WDR90: variants seen among roughly 807,000 people sequenced by gnomAD.
WDR90 encodes the protein WD repeat domain 90.
WDR90 carries 238 observed loss-of-function variants against 195.2 expected under a neutral mutation model. That is an observed-to-expected ratio of 1.22 (90% CI 1.10 to 1.36). The LOEUF is 1.36. Ranked by LOEUF, WDR90 falls within the 40% of genes most tolerant of loss-of-function variation. The pLI, the probability that WDR90 is intolerant of heterozygous loss-of-function variation, is 0.00. For missense variants in WDR90, 2,734 were observed against 2,439.5 expected, an observed-to-expected ratio of 1.12 and a Z score of -2.54; for synonymous variants, 1,265 against 1,052.4, an observed-to-expected ratio of 1.20 and a Z score of -3.91.
At chr16:656,896 C>T in intron 19 of WDR90, 25 bp downstream of exon 19, 2 of 1,606,430 alleles carry the variant, frequency 1.2e-6, no homozygotes, top group African/African-American at 1.3e-5. Flanking sequence ...GGCCACCAGC[C>T]CCACGGAGAC....
At position 657,234 on chromosome 16, in the gene WDR90, G is replaced by A. The variant is rs773284409; in HGVS notation, c.2473+13G>A. 1 of 1,536,350 alleles carries A rather than the reference G, an allele frequency of 6.5e-7. No individual in the cohort carries two copies. The highest frequency in any genetic ancestry group is 1.2e-5 in the South Asian group (1 of 82,720). On this transcript the variant is annotated intron_variant, in intron 20 of 40. Coordinates refer to ENST00000293879, the MANE Select transcript of WDR90 (RefSeq NM_145294.5). ...CTCCGAGTGGCAGGTTGGGCCCCCT[G>A]CAGCCACTCTGGGGGACTCCTCAGG...
In WDR90 at chr16:661,041, CTG is replaced by C. The variant is rs752299741; in HGVS notation, c.3392-9_3392-8del. 32 of 1,198,342 alleles carry C rather than the reference CTG, an allele frequency of 2.7e-5. 1 individual carries two copies. In the African/African-American group the frequency reaches 8.0e-4, roughly 30 times the overall value. The allele number at this position is 1,198,342 out of a possible 1,614,324, so 74.2% of individuals were successfully genotyped here. A position where few individuals can be genotyped will look rare whatever the true frequency, so the allele number is the denominator to read the frequency against. ...GGCCCGGCCTCAGGCCCCGCCCTCT[CTG>C]CGCACAGGCTTCTTTGCCTACACGT... On this transcript the variant is annotated splice_polypyrimidine_tract_variant and splice_region_variant and intron_variant, in intron 28 of 40. Transcript: ENST00000293879.
intron 25 of WDR90, 39 bp from the exon 26 acceptor site, chr16:659,206 T>A: frequency 6.2e-7 from 1 of 1,610,564 alleles, no homozygotes; most frequent in Non-Finnish European, 8.5e-7. Flanking sequence ...TGGCCCTTCC[T>A]CTTCCTTCCC....
chr16:664,700 T>C (rs1272766733), intron 34 of WDR90, among the ~76,000 whole-genome samples: 1 of 151,674 alleles, frequency 6.6e-6, no homozygotes, highest in Non-Finnish European at 1.5e-5. Context: ...TTTTTTTTTT[T>C]GAGACGGAGT....
intron 27 of WDR90, 173 bp from the exon 28 acceptor site, chr16:660,439 G>T (rs1000168162): frequency 3.3e-5 from 23 of 703,260 alleles, no homozygotes; most frequent in Admixed American, 3.3e-4. Context: ...GCCCCTCCTG[G>T]CCCTGGCACA....
Position 655,304 on chromosome 16 carries a change from C to A in WDR90, c.1557-3C>A. Reference sequence around the variant, plus strand: ...GGCAGTGCTCAGTCCTCATTCCTTGCAGGATGGCGTCGTGCGGGCAGGGCA... The same window carrying A: ...GGCAGTGCTCAGTCCTCATTCCTTGAAGGATGGCGTCGTGCGGGCAGGGCA... On this transcript the variant is annotated splice_polypyrimidine_tract_variant and splice_region_variant and intron_variant, in intron 14 of 40. Transcript: ENST00000293879. 2.5e-6 allele frequency: 4 copies of A among 1,607,106 alleles called. No individual in the cohort carries two copies. The highest frequency in any genetic ancestry group is 2.5e-6 in the Non-Finnish European group (3 of 1,179,720).
At position 657,223 on chromosome 16, in the gene WDR90, T is replaced by C. The variant is rs78538490; in HGVS notation, c.2473+2T>C. 1 of 1,539,228 alleles carries C rather than the reference T, an allele frequency of 6.5e-7. No homozygotes were observed. Among genetic ancestry groups the C allele is most frequent in the Non-Finnish European group, 8.8e-7 (1 of 1,141,146 alleles). ...AGTGGCATGTCCTCCGAGTGGCAGG[T>C]TGGGCCCCCTGCAGCCACTCTGGGG... On this transcript the variant is annotated splice_donor_variant, in intron 20 of 40. Coordinates refer to ENST00000293879, the MANE Select transcript of WDR90 (RefSeq NM_145294.5). LOFTEE classifies it high-confidence loss of function.
chr16:657,161 C>A lies in WDR90; in HGVS notation c.2413C>A (p.Gln805Lys). 1 of 1,563,472 alleles carries A rather than the reference C, an allele frequency of 6.4e-7. No individual in the cohort carries two copies. Among genetic ancestry groups the A allele is most frequent in the Admixed American group, 1.9e-5 (1 of 53,254 alleles). Residue 805 changes from glutamine to lysine, a missense_variant, in exon 20 of 41, where the codon CAG becomes AAG. By Grantham distance (53) the Gln-to-Lys change is moderately conservative. Coordinates refer to ENST00000293879, the MANE Select transcript of WDR90 (RefSeq NM_145294.5). ...DGRLLFSSCS[Q>K]GSLAQYSCAD... ...CCGCCTGCTCTTCAGCTCCTGCTCC[C>A]AGGGCTCCCTGGCCCAGTACAGCTG...
In WDR90 at chr16:659,078, C is replaced by A. The variant is rs2037832010; in HGVS notation, c.3012-8C>A. 1.9e-6 allele frequency: 3 copies of A among 1,613,074 alleles called. No homozygotes were observed. Among genetic ancestry groups the A allele is most frequent in the African/African-American group, 2.7e-5 (2 of 74,908 alleles). On this transcript the variant is annotated splice_polypyrimidine_tract_variant and splice_region_variant and intron_variant, in intron 24 of 40. Transcript: ENST00000293879. Reference sequence around the variant, plus strand: ...GCCCTCCTGAAACCCTCTCTCCTCCCTCTCCAGCGACCAAAGCTTCCCCGG... The same window carrying A: ...GCCCTCCTGAAACCCTCTCTCCTCCATCTCCAGCGACCAAAGCTTCCCCGG...
At chr16:653,501 CT>C (rs1164754974) in intron 11 of WDR90, 23 bp from the exon 12 acceptor site, 1 of 1,612,736 alleles carries the variant, frequency 6.2e-7, no homozygotes, top group South Asian at 1.1e-5. Flanking sequence ...CCCCTACACC[CT>C]CCCTCACCCT....
At chr16:660,761 G>A (rs377445555) in intron 28 of WDR90, 47 bp downstream of exon 28, 10 of 1,518,466 alleles carry the variant, frequency 6.6e-6, no homozygotes, top group South Asian at 4.9e-5. Flanking sequence ...ATGCGGCCGC[G>A]CGTGGTCCAG....
In WDR90 at chr16:651,831, G is replaced by C; in HGVS notation, c.845G>C (p.Gly282Ala). ...TGGGCACTTGTCCCCCAGCAGTCCGGCCGGGCCGCCTTGGCACCCAGGCCC... is the reference window on the plus strand; with the variant it reads ...TGGGCACTTGTCCCCCAGCAGTCCGCCCGGGCCGCCTTGGCACCCAGGCCC... ...VVQTPSPTAS[G>A]RAALAPRPFP... Residue 282 changes from glycine (G) to alanine (A), a missense_variant, in exon 9 of 41, where the codon GGC (glycine) becomes GCC (alanine). By Grantham distance (60) the Gly-to-Ala change is moderately conservative. Transcript: ENST00000293879. 6.2e-7 allele frequency: 1 copy of C among 1,610,254 alleles called. No individual in the cohort carries two copies. Among genetic ancestry groups the C allele is most frequent in the Non-Finnish European group, 8.5e-7 (1 of 1,179,624 alleles).
intron 1 of WDR90, 154 bp downstream of exon 1, chr16:649,580 C>A: frequency 8.5e-7 from 1 of 1,174,674 alleles, no homozygotes; most frequent in Non-Finnish European, 1.1e-6. Flanking sequence ...CACCCTCGGG[C>A]TCCCGGAGCT....
intron 38 of WDR90, 27 bp from the exon 39 acceptor site, chr16:666,646 C>T (rs1330214898): frequency 2.5e-6 from 4 of 1,611,518 alleles, no homozygotes; most frequent in Admixed American, 3.3e-5. Context: ...CCCATCCACC[C>T]CACCGCAGCA....
intron 7 of WDR90, 58 bp downstream of exon 7, chr16:651,324 G>A (rs781767319): frequency 3.9e-5 from 61 of 1,575,318 alleles, no homozygotes; most frequent in East Asian, 1.1e-4. Context: ...CGTGGGGCTC[G>A]GTAGGAGAGG....
At chr16:667,348 G>C in intron 40 of WDR90, 84 bp from the exon 41 acceptor site, 1 of 1,514,980 alleles carries the variant, frequency 6.6e-7, no homozygotes. Context: ...ATCATGCCCA[G>C]TGGGGACAGT....
At position 653,507 on chromosome 16, in the gene WDR90, C is replaced by T; in HGVS notation, c.1234-18C>T. 2 of 1,612,878 alleles carry T rather than the reference C, an allele frequency of 1.2e-6. No individual in the cohort carries two copies. The highest frequency in any genetic ancestry group is 1.1e-5 in the South Asian group (1 of 91,084). On this transcript the variant is annotated intron_variant, in intron 11 of 40. Coordinates refer to ENST00000293879, the MANE Select transcript of WDR90 (RefSeq NM_145294.5). ...CACCTGCAGCCCCTACACCCTCCCTCACCCTTCTGCCTCCTAGGTCTCCGC... is the reference window on the plus strand; with the variant it reads ...CACCTGCAGCCCCTACACCCTCCCTTACCCTTCTGCCTCCTAGGTCTCCGC...
rs768729844 is a variant in WDR90 at position 655,886 on chromosome 16, G to A, written c.1963G>A (p.Ala655Thr). ...GGACTTCTCCTCGGTGCTCCTGGAGGCAGGTGATGCTGTGGGCACGCTCTC... is the reference window on the plus strand; with the variant it reads ...GGACTTCTCCTCGGTGCTCCTGGAGACAGGTGATGCTGTGGGCACGCTCTC... ...PLDFSSVLLE[A>T]EHEGPVSSVC... The change falls in exon 17 of 41, where the codon GCA becomes ACA. Residue 655 changes from alanine to threonine, a missense_variant. Transcript: ENST00000293879. 4.5e-5 allele frequency: 72 copies of A among 1,592,186 alleles called. No individual in the cohort carries two copies. In the South Asian group the frequency reaches 7.8e-4, roughly 17 times the overall value.
intron 34 of WDR90, among the ~76,000 whole-genome samples, chr16:664,597 C>T (rs930741411): frequency 6.6e-6 from 1 of 152,192 alleles, no homozygotes; most frequent in East Asian, 1.9e-4. Flanking sequence ...TTGCCGTTTC[C>T]TTGTAGGGCC....
Sources: gnomAD v4.1 joint callset for allele counts (sites outside exome capture counted in the v4.1 genomes callset) on GRCh38, gnomAD v4.1.1 for gene constraint, MANE v1.5 for transcripts, NCBI Gene and HGNC (gene_info 2026-07-23, HGNC 2026-07-21) for gene names.